WASF3: variants seen among roughly 807,000 people sequenced by gnomAD.
The protein encoded by WASF3 is actin-binding protein WASF3.
In WASF3, 11 loss-of-function variants were observed where a neutral mutation model predicts 46.6. The observed-to-expected ratio is 0.24, with a 90% CI of 0.15 to 0.39. WASF3 has a LOEUF of 0.39. WASF3 is among the 10% of genes least tolerant of loss of function. The probability of loss-of-function intolerance (pLI) is 1.00; values close to 1 mark genes in which losing one functional copy is unlikely to be tolerated. For missense variants in WASF3, 576 were observed against 669.8 expected, an observed-to-expected ratio of 0.86 and a Z score of 1.55; for synonymous variants, 242 against 259.7, an observed-to-expected ratio of 0.93 and a Z score of 0.65.
the WASF3 span, among the ~76,000 whole-genome samples, chr13:26,545,122 G>C: frequency 6.6e-6 from 1 of 152,292 alleles, no homozygotes; most frequent in African/African-American, 2.4e-5. Flanking sequence ...GGGATAAATG[G>C]GATCGACATG....
intron 9 of WASF3, among the ~76,000 whole-genome samples, chr13:26,685,012 C>A (rs1025273393): frequency 2.0e-5 from 3 of 151,134 alleles, no homozygotes; most frequent in African/African-American, 7.3e-5. Flanking sequence ...TGCTTGAGCC[C>A]AGGAGGTCGA....
chr13:26,565,443 T>A (rs891125988), intron 1 of WASF3, among the ~76,000 whole-genome samples: 4 of 152,168 alleles, frequency 2.6e-5, no homozygotes, highest in Non-Finnish European at 5.9e-5. Context: ...GCAGAAATAC[T>A]ATAATTTTCC....
chr13:26,554,639 T>C (rs1028278126), upstream of WASF3, among the ~76,000 whole-genome samples: 3 of 152,228 alleles, frequency 2.0e-5, no homozygotes, highest in African/African-American at 7.2e-5. Context: ...CTTAGAATCA[T>C]ACAGTCTGTA....
chr13:26,568,077 G>C (rs772386989), intron 1 of WASF3, among the ~76,000 whole-genome samples: 5 of 152,030 alleles, frequency 3.3e-5, no homozygotes, highest in Admixed American at 6.6e-5. Flanking sequence ...AGGGGGATGC[G>C]TAGTGACAGA....
At chr13:26,542,354 C>T in the WASF3 span, among the ~76,000 whole-genome samples, 506 of 152,292 alleles carry the variant, frequency 3.3e-3, 3 homozygotes, top group Admixed American at 5.6e-3. Flanking sequence ...AAATGTGGAA[C>T]AGTGATGGCA....
chr13:26,643,091 T>TATAA (rs1193335005), intron 3 of WASF3, among the ~76,000 whole-genome samples: 1 of 152,222 alleles, frequency 6.6e-6, no homozygotes, highest in Admixed American at 6.5e-5. Flanking sequence ...AAGAATATTT[T>TATAA]ATAAGACTCA....
At chr13:26,638,093 A>G (rs1482455304) in intron 2 of WASF3, 1 of 152,270 alleles carries the variant, frequency 6.6e-6, no homozygotes, top group African/African-American at 2.4e-5. Context: ...ATGAGGTCTA[A>G]GGGAGATTCA....
At chr13:26,623,350 A>G (rs925754769) in intron 2 of WASF3, among the ~76,000 whole-genome samples, 7 of 152,152 alleles carry the variant, frequency 4.6e-5, no homozygotes, top group African/African-American at 1.7e-4. Flanking sequence ...CTGCTTCCCC[A>G]CAGCCTTCTC....
At chr13:26,605,030 G>C (rs1880751205) in intron 1 of WASF3, among the ~76,000 whole-genome samples, 1 of 152,132 alleles carries the variant, frequency 6.6e-6, no homozygotes, top group African/African-American at 2.4e-5. Flanking sequence ...TGTCTTTCCT[G>C]TCCTCAGGCC....
intron 3 of WASF3, among the ~76,000 whole-genome samples, chr13:26,644,234 C>T (rs755051808): frequency 6.6e-6 from 1 of 152,216 alleles, no homozygotes; most frequent in Non-Finnish European, 1.5e-5. Flanking sequence ...CCAGAAAGAA[C>T]ACAGATCTGC....
the WASF3 span, among the ~76,000 whole-genome samples, chr13:26,551,285 G>C: frequency 1.1e-4 from 16 of 152,176 alleles, no homozygotes; most frequent in African/African-American, 3.9e-4. Flanking sequence ...GTCTCAGGTA[G>C]TTCTTTATAG....
chr13:26,554,084 C>CTTCTTTCT (rs1879035573), upstream of WASF3, among the ~76,000 whole-genome samples: 7 of 36,190 alleles, frequency 1.9e-4, no homozygotes, highest in Admixed American at 3.3e-4. Flanking sequence ...TCCTTCCTTC[C>CTTCTTTCT]TTCCTTCCTT....
chr13:26,617,471 A>G (rs974559043), intron 2 of WASF3, among the ~76,000 whole-genome samples: 2 of 152,056 alleles, frequency 1.3e-5, no homozygotes, highest in Non-Finnish European at 2.9e-5. Context: ...ACAAAACCCA[A>G]ACAACTCAGT....
chr13:26,547,769 G>A, the WASF3 span, among the ~76,000 whole-genome samples: 10 of 152,236 alleles, frequency 6.6e-5, no homozygotes, highest in Non-Finnish European at 1.5e-4. Flanking sequence ...TGGTGGCTGA[G>A]ACTCTTTATT....
intron 6 of WASF3, among the ~76,000 whole-genome samples, chr13:26,676,224 T>C (rs931688138): frequency 1.3e-5 from 2 of 152,210 alleles, no homozygotes; most frequent in Admixed American, 6.5e-5. Context: ...TGTTCACCCA[T>C]GTAATATAGA....
At chr13:26,644,467 G>A (rs1302671750) in intron 3 of WASF3, among the ~76,000 whole-genome samples, 4 of 152,192 alleles carry the variant, frequency 2.6e-5, no homozygotes, top group African/African-American at 9.7e-5. Flanking sequence ...TCAGTTCTGA[G>A]TTACGCTACT....
chr13:26,576,970 GA>G (rs1879816688), intron 1 of WASF3: 1 of 727,054 alleles, frequency 1.4e-6, no homozygotes, highest in African/African-American at 1.7e-5. Flanking sequence ...TTCTAAGAAA[GA>G]GTGGTATGAT....
intron 3 of WASF3, among the ~76,000 whole-genome samples, chr13:26,652,140 A>C (rs1422578453): frequency 6.6e-6 from 1 of 152,216 alleles, no homozygotes; most frequent in African/African-American, 2.4e-5. Flanking sequence ...TAAATTAAAA[A>C]GTGAGACTAA....
upstream of WASF3, among the ~76,000 whole-genome samples, chr13:26,556,188 C>T (rs977531850): frequency 6.6e-6 from 1 of 152,150 alleles, no homozygotes; most frequent in African/African-American, 2.4e-5. Context: ...ACAGTGAGTG[C>T]AAACTAAGTG....
Sources: allele counts gnomAD v4.1 joint callset (sites outside exome capture counted in the v4.1 genomes callset), GRCh38; gene constraint gnomAD v4.1.1; transcripts MANE v1.5; gene names NCBI Gene and HGNC (gene_info 2026-07-23, HGNC 2026-07-21).